Variants in CAND1 observed in about 807,000 individuals in gnomAD.
The protein encoded by CAND1 is cullin associated and neddylation dissociated 1.
A neutral mutation model predicts 108.5 loss-of-function variants in CAND1; 7 were observed. The ratio of observed to expected loss-of-function variants is 0.06; its 90% CI spans 0.04 to 0.12. CAND1 has a LOEUF of 0.12. Ranked by LOEUF, CAND1 falls within the 10% of genes least tolerant of loss-of-function variation. The probability of loss-of-function intolerance (pLI) is 1.00; values close to 1 mark genes in which losing one functional copy is unlikely to be tolerated. For synonymous variants in CAND1, 534 were observed against 512.0 expected, an observed-to-expected ratio of 1.04 and a Z score of -0.58; for missense variants, 941 against 1,448.7, an observed-to-expected ratio of 0.65 and a Z score of 5.69.
chr12:67,281,327 C>G (rs1426600591), intron 1 of CAND1, among the ~76,000 whole-genome samples: 1 of 151,186 alleles, frequency 6.6e-6, no homozygotes, highest in South Asian at 2.1e-4. Flanking sequence ...AAGACTCCCT[C>G]TACAAAAAAA....
Position 67,297,421 on chromosome 12 carries a change from T to G in CAND1, c.506T>G (p.Leu169Arg). The G allele has an allele frequency of 6.2e-7, 1 of 1,611,402 alleles. No individual in the cohort carries two copies. The highest frequency in any genetic ancestry group is 8.5e-7 in the Non-Finnish European group (1 of 1,178,978). The stretch of plus-strand genomic sequence containing the variant: ...TTTATTTTAAGGCAAGGAGGACTTC[T>G]TGTTAATTTCCATCCTTCAATTCTG... ...ADMLSRQGGL[L>R]VNFHPSILTC... Residue 169 changes from leucine to arginine, a missense_variant, in exon 5 of 15, where the codon CTT (leucine) becomes CGT (arginine). Leu to Arg is a moderately radical substitution (Grantham distance 102). Coordinates refer to ENST00000545606, the MANE Select transcript of CAND1 (RefSeq NM_018448.5).
intron 3 of CAND1, chr12:67,293,083 T>C (rs1009194192): frequency 2.1e-5 from 6 of 285,588 alleles, no homozygotes; most frequent in South Asian, 1.5e-4. Flanking sequence ...ACCTATGCAG[T>C]GAGGGAAGAG....
intron 3 of CAND1, 122 bp from the exon 4 acceptor site, chr12:67,294,911 C>T: frequency 4.2e-6 from 4 of 951,744 alleles, no homozygotes; most frequent in South Asian, 3.8e-5. Context: ...GTTTTTCTGC[C>T]CTGGATCTGT....
At chr12:67,280,885 G>A (rs2044613328) in intron 1 of CAND1, among the ~76,000 whole-genome samples, 1 of 152,016 alleles carries the variant, frequency 6.6e-6, no homozygotes, top group African/African-American at 2.4e-5. Context: ...TTAAGGGGAG[G>A]GGAGGTGGGC....
chr12:67,275,420 G>A (rs1249790330), intron 1 of CAND1, among the ~76,000 whole-genome samples: 1 of 148,404 alleles, frequency 6.7e-6, no homozygotes, highest in African/African-American at 2.6e-5. Flanking sequence ...CCAGCTACTC[G>A]CGAGGCTGAG....
At chr12:67,286,052 G>C (rs1320927889) in intron 2 of CAND1, among the ~76,000 whole-genome samples, 1 of 152,084 alleles carries the variant, frequency 6.6e-6, no homozygotes, top group African/African-American at 2.4e-5. Flanking sequence ...CAGTCGCCCT[G>C]GCTGGAGTGC....
At chr12:67,295,694 A>G (rs555194585) in intron 4 of CAND1, among the ~76,000 whole-genome samples, 2 of 152,302 alleles carry the variant, frequency 1.3e-5, no homozygotes, top group South Asian at 4.1e-4. Context: ...TGATTCTCAT[A>G]TTCATTATAG....
Position 67,314,775 on chromosome 12 carries a change from C to T in CAND1, c.*1945C>T, listed in dbSNP as rs369476444. 3.9e-5 allele frequency: 6 copies of T among 152,306 alleles called. No homozygotes were observed. The highest frequency in any genetic ancestry group is 2.6e-4 in the Admixed American group (4 of 15,300). The allele number at this position is 152,306 out of a possible 1,614,324, so 9.4% of individuals were successfully genotyped here. A position where few individuals can be genotyped will look rare whatever the true frequency, so the allele number is the denominator to read the frequency against. ...TTTGTTTTTGTCTCTTAAGCCAATTCATTTTTCTAACAGTTGAAATTCTTT... is the reference window on the plus strand; with the variant it reads ...TTTGTTTTTGTCTCTTAAGCCAATTTATTTTTCTAACAGTTGAAATTCTTT... On this transcript the variant is annotated 3_prime_UTR_variant, in exon 15 of 15. Transcript: ENST00000545606.
intron 7 of CAND1, among the ~76,000 whole-genome samples, chr12:67,299,887 A>G (rs1053362481): frequency 3.3e-5 from 5 of 152,128 alleles, no homozygotes; most frequent in African/African-American, 1.2e-4. Context: ...GATTCTTTGA[A>G]TGAATTTACA....
chr12:67,275,945 C>T (rs922541760), intron 1 of CAND1, among the ~76,000 whole-genome samples: 1 of 152,128 alleles, frequency 6.6e-6, no homozygotes, highest in African/African-American at 2.4e-5. Context: ...TTTTTCTTTT[C>T]CCGTCTTAAT....
At chr12:67,296,839 C>T (rs1217999760) in intron 4 of CAND1, among the ~76,000 whole-genome samples, 2 of 151,986 alleles carry the variant, frequency 1.3e-5, no homozygotes, top group African/African-American at 4.8e-5. Flanking sequence ...AGGTTTTGGC[C>T]CAGGCTGGAG....
rs564400148 is a variant in CAND1 at position 67,297,018 on chromosome 12, G to A, written c.492-389G>A. Among the ~76,000 whole-genome samples, 465 of 151,850 alleles carry A rather than the reference G, an allele frequency of 3.1e-3. 2 individuals carry two copies. Among genetic ancestry groups the A allele is most frequent in the Non-Finnish European group, 5.1e-3 (347 of 67,900 alleles). On this transcript the variant is annotated intron_variant, in intron 4 of 14. Transcript: ENST00000545606. ...TTGCCATGTTGCCCAGGCTGGTCTC[G>A]AACTCCTGGGGTCAAGTGATCTGCC...
At chr12:67,304,828 T>C in intron 9 of CAND1, 82 bp downstream of exon 9, 1 of 1,500,020 alleles carries the variant, frequency 6.7e-7, no homozygotes. Flanking sequence ...AATTGTTTCC[T>C]TTTAAAGGAA....
In CAND1 at chr12:67,289,757, C is replaced by T. The variant is rs770954194; in HGVS notation, c.213-2865C>T. On this transcript the variant is annotated intron_variant, in intron 2 of 14. Coordinates refer to ENST00000545606, the MANE Select transcript of CAND1 (RefSeq NM_018448.5). ...ATTTTTATTATTTTATATTCGGTCTCTCCATGTATCTGCCATGTTTCAGTT... is the reference window on the plus strand; with the variant it reads ...ATTTTTATTATTTTATATTCGGTCTTTCCATGTATCTGCCATGTTTCAGTT... Among the ~76,000 whole-genome samples the T allele has an allele frequency of 5.3e-4, 80 of 152,280 alleles. No homozygotes were observed. The Middle Eastern group carries it at 0.014, about 26-fold the overall frequency.
intron 2 of CAND1, among the ~76,000 whole-genome samples, chr12:67,287,943 A>T (rs567756091): frequency 7.8e-6 from 1 of 128,254 alleles, no homozygotes; most frequent in African/African-American, 2.9e-5. Flanking sequence ...TTACTGGTTT[A>T]TAATTGAATT....
rs140089877 is a variant in CAND1 at position 67,292,893 on chromosome 12, A to G, written c.367+117A>G. 7.8e-5 allele frequency: 68 copies of G among 870,480 alleles called. No homozygotes were observed. The Middle Eastern group carries it at 2.8e-3, about 36-fold the overall frequency. The allele number at this position is 870,480 out of a possible 1,614,324, so 53.9% of individuals were successfully genotyped here. A position where few individuals can be genotyped will look rare whatever the true frequency, so the allele number is the denominator to read the frequency against. ...GGTGGCTGTCCTTACAGATGTTCAT[A>G]GGAATCCCTTTGGACAATTAAGAAA... On this transcript the variant is annotated intron_variant, in intron 3 of 14. Coordinates refer to ENST00000545606, the MANE Select transcript of CAND1 (RefSeq NM_018448.5).
At chr12:67,307,365 TACC>T (rs1565729195) in intron 10 of CAND1, 29 bp from the exon 11 acceptor site, 1 of 1,501,610 alleles carries the variant, frequency 6.7e-7, no homozygotes, top group South Asian at 1.1e-5. Context: ...GTGGACTACA[TACC>T]AATAGACTTG....
At chr12:67,310,381 C>T in intron 13 of CAND1, 65 bp downstream of exon 13, 1 of 1,172,716 alleles carries the variant, frequency 8.5e-7, no homozygotes. Context: ...AACTTTCACC[C>T]TTGTAATTTA....
At chr12:67,270,167 T>G in intron 1 of CAND1, 1 of 185,592 alleles carries the variant, frequency 5.4e-6, no homozygotes. Context: ...GCCGGGCCTA[T>G]TCGCTTGCCA....
Sources: allele counts gnomAD v4.1 joint callset (sites outside exome capture counted in the v4.1 genomes callset), GRCh38; gene constraint gnomAD v4.1.1; transcripts MANE v1.5; gene names NCBI Gene and HGNC (gene_info 2026-07-23, HGNC 2026-07-21).